Variants in ENTPD5 observed in about 807,000 individuals in gnomAD.
The protein encoded by ENTPD5 is ectonucleoside triphosphate diphosphohydrolase 5 (inactive).
ENTPD5 carries 49 observed loss-of-function variants against 60.2 expected under a neutral mutation model. The ratio of observed to expected loss-of-function variants is 0.81; its 90% confidence interval spans 0.65 to 1.03. The LOEUF (loss-of-function observed/expected upper bound fraction) is 1.03, where lower values mean the gene tolerates loss of function less well. ENTPD5 is among the 50% of genes least tolerant of loss of function. The pLI is 0.00. For synonymous variants in ENTPD5, 187 were observed against 185.4 expected (o/e 1.01, Z -0.07); for missense variants, 480 against 507.6 (o/e 0.95, Z 0.52).
intron 1 of ENTPD5, among the ~76,000 whole-genome samples, chr14:74,017,049 T>C (rs889431133): frequency 6.6e-6 from 1 of 152,224 alleles, no homozygotes; most frequent in Non-Finnish European, 1.5e-5. Context: ...CCAGGCGTGG[T>C]GGCTCACGCC....
chr14:73,959,423 C>T, downstream of ENTPD5: 1 of 1,614,204 alleles, frequency 6.2e-7, no homozygotes, highest in Non-Finnish European at 8.5e-7. Flanking sequence ...AGCTCTCAGA[C>T]ACCTTGAGTT....
At chr14:74,013,670 T>C (rs2058917479) in intron 2 of ENTPD5, among the ~76,000 whole-genome samples, 1 of 152,130 alleles carries the variant, frequency 6.6e-6, no homozygotes, top group African/African-American at 2.4e-5. Context: ...TAAGTGTTTG[T>C]GTATGGGTGA....
chr14:74,014,504 T>C (rs2058952262), intron 2 of ENTPD5, among the ~76,000 whole-genome samples: 1 of 152,092 alleles, frequency 6.6e-6, no homozygotes, highest in Non-Finnish European at 1.5e-5. Flanking sequence ...TGAGTCATGA[T>C]TGCACCACTG....
chr14:73,957,051 C>G (rs540199124), downstream of ENTPD5, among the ~76,000 whole-genome samples: 1 of 151,860 alleles, frequency 6.6e-6, no homozygotes, highest in South Asian at 2.1e-4. Flanking sequence ...TCCACTTGAA[C>G]CTTTCTTTGT....
At chr14:74,017,938 T>C (rs2059097594) in intron 1 of ENTPD5, among the ~76,000 whole-genome samples, 1 of 150,678 alleles carries the variant, frequency 6.6e-6, no homozygotes, top group Non-Finnish European at 1.5e-5. Context: ...TCTCAACACT[T>C]TGGGAGGCCG....
intron 12 of ENTPD5, 67 bp from the exon 13 acceptor site, chr14:73,973,091 C>A: frequency 6.3e-7 from 1 of 1,578,714 alleles, no homozygotes. Context: ...CTCTCTGAGG[C>A]AGGCTGCTGG....
intron 3 of ENTPD5, among the ~76,000 whole-genome samples, chr14:73,997,149 A>T (rs2058364340): frequency 6.6e-6 from 1 of 152,112 alleles, no homozygotes; most frequent in Non-Finnish European, 1.5e-5. Flanking sequence ...AAATGACACA[A>T]GGAGGATTCT....
At chr14:74,004,618 C>T (rs1201811837) in intron 3 of ENTPD5, among the ~76,000 whole-genome samples, 1 of 152,130 alleles carries the variant, frequency 6.6e-6, no homozygotes. Flanking sequence ...CAAGATGGCT[C>T]ACTCAATGGT....
intron 10 of ENTPD5, 87 bp from the exon 11 acceptor site, chr14:73,975,072 G>A (rs1004223431): frequency 3.9e-6 from 4 of 1,021,962 alleles, no homozygotes; most frequent in Non-Finnish European, 6.1e-6. Flanking sequence ...CATTGTTCCT[G>A]TGTCCCTCTG....
chr14:73,958,069 T>C (rs2056526526), downstream of ENTPD5: 1 of 1,167,438 alleles, frequency 8.6e-7, no homozygotes, highest in Admixed American at 1.7e-5. Flanking sequence ...GACCTTGCTT[T>C]AGGTTTAGTT....
intron 11 of ENTPD5, among the ~76,000 whole-genome samples, chr14:73,974,638 A>G (rs144891450): frequency 6.6e-6 from 1 of 152,276 alleles, no homozygotes; most frequent in Non-Finnish European, 1.5e-5. Flanking sequence ...TGCTGAATGT[A>G]TTCGTAAAGC....
chr14:73,987,654 CA>C (rs2057957674), intron 4 of ENTPD5, among the ~76,000 whole-genome samples: 1 of 151,344 alleles, frequency 6.6e-6, no homozygotes, highest in Non-Finnish European at 1.5e-5. Context: ...GACCGGGCAA[CA>C]AAGCAAGACC....
In ENTPD5 at chr14:73,988,168, A is replaced by G; in HGVS notation, c.-66T>C. 6.5e-7 allele frequency: 1 copy of G among 1,529,704 alleles called. No homozygotes were observed. Among genetic ancestry groups the G allele is most frequent in the South Asian group, 1.2e-5 (1 of 80,688 alleles). The allele number at this position is 1,529,704 out of a possible 1,614,324, so 94.8% of individuals were successfully genotyped here. ...GAAGCAATCCTGCTCGCACACCTGC[A>G]GAGGCTTATAGGACAAAGACACACA... On this transcript the variant is annotated 5_prime_UTR_variant, in exon 4 of 16. Coordinates refer to ENST00000334696, the MANE Select transcript of ENTPD5 (RefSeq NM_001249.5).
At chr14:73,980,373 TC>T (rs2057632973) in intron 6 of ENTPD5, among the ~76,000 whole-genome samples, 1 of 151,448 alleles carries the variant, frequency 6.6e-6, no homozygotes. Flanking sequence ...CAAGCAATTC[TC>T]CTGCCTTAGC....
At chr14:73,975,909 A>T in intron 10 of ENTPD5, 27 bp downstream of exon 10, 1 of 1,520,314 alleles carries the variant, frequency 6.6e-7, no homozygotes, top group Middle Eastern at 1.7e-4. Context: ...AACATGAAAT[A>T]TTCTTCTTCC....
chr14:73,989,863 CG>C (rs1364446748), intron 3 of ENTPD5, among the ~76,000 whole-genome samples: 1 of 138,480 alleles, frequency 7.2e-6, no homozygotes, highest in Non-Finnish European at 1.5e-5. Flanking sequence ...AAAAATTAGC[CG>C]GGCTTGGTGG....
chr14:73,958,327 T>C, downstream of ENTPD5: 1 of 1,612,148 alleles, frequency 6.2e-7, no homozygotes, highest in South Asian at 1.1e-5. Context: ...CTACATCTTA[T>C]CCTAGATTCT....
At chr14:73,955,377 A>T, downstream of ENTPD5, 1 of 1,100,330 alleles carries the variant, frequency 9.1e-7, no homozygotes, top group Middle Eastern at 2.0e-4. Context: ...CCTCTTACGT[A>T]ACAGGATGGA....
intron 13 of ENTPD5, 45 bp downstream of exon 13, chr14:73,972,839 C>A: frequency 6.2e-7 from 1 of 1,606,416 alleles, no homozygotes; most frequent in Non-Finnish European, 8.5e-7. Flanking sequence ...CCCACCACAG[C>A]CCTATCCACC....
Sources: allele counts gnomAD v4.1 joint callset (sites outside exome capture counted in the v4.1 genomes callset), GRCh38; gene constraint gnomAD v4.1.1; transcripts MANE v1.5; gene names NCBI Gene and HGNC (gene_info 2026-07-23, HGNC 2026-07-21).